Variants in PSMA8 observed in about 807,000 individuals in gnomAD.
PSMA8 encodes the protein proteasome subunit alpha-type 8.
A neutral mutation model predicts 32.4 loss-of-function variants in PSMA8; 18 were observed. That is an observed-to-expected ratio of 0.56 (90% CI 0.38 to 0.82). The LOEUF (loss-of-function observed/expected upper bound fraction) is 0.82, where lower values mean the gene tolerates loss of function less well. Ranked by LOEUF, PSMA8 falls within the 40% of genes least tolerant of loss-of-function variation. The probability of loss-of-function intolerance (pLI) is 0.00; values close to 1 mark genes in which losing one functional copy is unlikely to be tolerated. For missense variants in PSMA8, 298 were observed against 300.7 expected (o/e 0.99, Z 0.07); for synonymous variants, 104 against 98.1 (o/e 1.06, Z -0.36).
intron 6 of PSMA8, among the ~76,000 whole-genome samples, chr18:26,180,132 G>T (rs1417616488): frequency 1.3e-5 from 2 of 151,934 alleles, no homozygotes; most frequent in Non-Finnish European, 2.9e-5. Flanking sequence ...AGACGCCTGT[G>T]ATCCCAGCTG....
rs2054887503 is a variant in PSMA8 at position 26,133,980 on chromosome 18, T to C, written c.15T>C (p.Tyr5=). The C allele has an allele frequency of 6.2e-7, 1 of 1,613,872 alleles. No homozygotes were observed. The highest frequency in any genetic ancestry group is 1.3e-5 in the African/African-American group (1 of 74,944). The change falls in exon 1 of 7, where the codon TAT becomes TAC. Residue 5 remains tyrosine, a synonymous_variant. Coordinates refer to ENST00000415576, the MANE Select transcript of PSMA8 (RefSeq NM_001025096.2). ...AGTCCTGTGCGATGGCGTCTCGATA[T>C]GACAGGGCGATCACTGTCTTCTCCC... MASR[Y]DRAITVFSPD...
chr18:26,144,077 C>T (rs899255724), intron 1 of PSMA8, among the ~76,000 whole-genome samples: 2 of 152,074 alleles, frequency 1.3e-5, no homozygotes, highest in African/African-American at 2.4e-5. Context: ...ACATTTATTT[C>T]AGTGTTTAAT....
intron 2 of PSMA8, among the ~76,000 whole-genome samples, chr18:26,150,215 C>T (rs187829867): frequency 2.6e-5 from 4 of 152,158 alleles, no homozygotes; most frequent in East Asian, 1.9e-4. Context: ...TTCAGATGAG[C>T]GATGAGGGAT....
At chr18:26,156,600 TA>T (rs904499435) in intron 3 of PSMA8, among the ~76,000 whole-genome samples, 2 of 151,082 alleles carry the variant, frequency 1.3e-5, no homozygotes, top group Admixed American at 6.6e-5. Context: ...ATGTGGACAC[TA>T]AAAAAGTTGT....
chr18:26,179,229 C>G (rs1340286746), intron 6 of PSMA8, 99 bp downstream of exon 6: 14 of 785,936 alleles, frequency 1.8e-5, no homozygotes, highest in Admixed American at 2.6e-5. Context: ...ATAATGTTAT[C>G]CTTCATTAAT....
intron 4 of PSMA8, among the ~76,000 whole-genome samples, chr18:26,160,620 T>C (rs1278811484): frequency 6.6e-6 from 1 of 152,228 alleles, no homozygotes; most frequent in Non-Finnish European, 1.5e-5. Context: ...CCAAGTAACC[T>C]GATAAATGTT....
chr18:26,158,012 T>C (rs1243936628), intron 3 of PSMA8, 110 bp from the exon 4 acceptor site: 1 of 711,216 alleles, frequency 1.4e-6, no homozygotes, highest in South Asian at 2.1e-5. Context: ...CATTAATATA[T>C]GTCGAATAAG....
chr18:26,184,235 C>T (rs562890728), intron 6 of PSMA8, among the ~76,000 whole-genome samples: 33 of 150,730 alleles, frequency 2.2e-4, no homozygotes, highest in African/African-American at 7.1e-4. Context: ...AATATGTAGT[C>T]TGTTTCAGTC....
At position 26,185,683 on chromosome 18, in the gene PSMA8, T is replaced by C. The variant is rs2055347313; in HGVS notation, c.660+6553T>C. The stretch of plus-strand genomic sequence containing the variant: ...ACCATAATGTATTCTCTAGGAAGTT[T>C]TTCAAATGTCTTCAGAGTCTGAAAT... On this transcript the variant is annotated intron_variant, in intron 6 of 6. Coordinates refer to ENST00000415576, the MANE Select transcript of PSMA8 (RefSeq NM_001025096.2). 2.0e-5 allele frequency among the ~76,000 whole-genome samples: 3 copies of C among 150,900 alleles called. 1 individual carries two copies. Among genetic ancestry groups the C allele is most frequent in the Admixed American group, 2.0e-4 (3 of 15,158 alleles).
intron 3 of PSMA8, among the ~76,000 whole-genome samples, chr18:26,156,478 T>TA (rs1237290926): frequency 6.6e-6 from 1 of 151,874 alleles, no homozygotes; most frequent in Non-Finnish European, 1.5e-5. Context: ...TACTTAGCCA[T>TA]AAAAAAGAAT....
intron 6 of PSMA8, among the ~76,000 whole-genome samples, chr18:26,180,704 A>G (rs1233146213): frequency 6.7e-6 from 1 of 150,172 alleles, no homozygotes; most frequent in East Asian, 1.9e-4. Flanking sequence ...AGACACACAC[A>G]CACACACACA....
intron 2 of PSMA8, among the ~76,000 whole-genome samples, chr18:26,145,622 A>G (rs1240430009): frequency 2.0e-5 from 3 of 152,212 alleles, no homozygotes; most frequent in Admixed American, 6.5e-5. Context: ...TATATAATAT[A>G]TAACCCTTTC....
intron 4 of PSMA8, among the ~76,000 whole-genome samples, chr18:26,176,313 C>T (rs1308941951): frequency 6.6e-6 from 1 of 152,118 alleles, no homozygotes; most frequent in Non-Finnish European, 1.5e-5. Flanking sequence ...CCTGAAGCCA[C>T]TAACTATGTA....
intron 6 of PSMA8, among the ~76,000 whole-genome samples, chr18:26,188,266 A>G (rs2055372420): frequency 6.6e-6 from 1 of 151,998 alleles, no homozygotes. Context: ...ACATATCAAA[A>G]CATATGGAAT....
At chr18:26,185,549 T>G (rs942835012) in intron 6 of PSMA8, among the ~76,000 whole-genome samples, 2 of 150,780 alleles carry the variant, frequency 1.3e-5, no homozygotes, top group Non-Finnish European at 3.0e-5. Context: ...AGTCCTTCCC[T>G]TCAATCTGAT....
chr18:26,162,932 A>G (rs1160078094), intron 4 of PSMA8, among the ~76,000 whole-genome samples: 1 of 151,938 alleles, frequency 6.6e-6, no homozygotes, highest in Non-Finnish European at 1.5e-5. Context: ...CCAGAATAAT[A>G]AGCATGTGAG....
In PSMA8 at chr18:26,133,934, A is replaced by C; in HGVS notation, c.-32A>C. The stretch of plus-strand genomic sequence containing the variant: ...GCTTGCCTCAGCTGCAGCAGCGGGA[A>C]GCTCGGTGGCAAGCCCTTGTAGTCC... On this transcript the variant is annotated 5_prime_UTR_variant, in exon 1 of 7. Coordinates refer to ENST00000415576, the MANE Select transcript of PSMA8 (RefSeq NM_001025096.2). 6.4e-7 allele frequency: 1 copy of C among 1,570,000 alleles called. No homozygotes were observed. Among genetic ancestry groups the C allele is most frequent in the Non-Finnish European group, 8.8e-7 (1 of 1,141,256 alleles).
intron 6 of PSMA8, among the ~76,000 whole-genome samples, chr18:26,192,048 A>C (rs975095321): frequency 4.6e-5 from 7 of 152,190 alleles, no homozygotes; most frequent in African/African-American, 1.7e-4. Context: ...TTTTGGAGTT[A>C]TATGCACATA....
Position 26,192,866 on chromosome 18 carries a change from C to T in PSMA8, c.*455C>T, listed in dbSNP as rs956817847. 2 of 152,122 alleles carry T rather than the reference C, an allele frequency of 1.3e-5. No individual in the cohort carries two copies. The highest frequency in any genetic ancestry group is 4.8e-5 in the African/African-American group (2 of 41,442). The allele number at this position is 152,122 out of a possible 1,614,324, so 9.4% of individuals were successfully genotyped here. On this transcript the variant is annotated 3_prime_UTR_variant, in exon 7 of 7. Coordinates refer to ENST00000415576, the MANE Select transcript of PSMA8 (RefSeq NM_001025096.2). ...AAAAGCATCCTTATACTGATGAGTT[C>T]TTAAAATTTTGTCAGAGCCTTCTTC...
Sources: allele counts gnomAD v4.1 joint callset (sites outside exome capture counted in the v4.1 genomes callset), GRCh38; gene constraint gnomAD v4.1.1; transcripts MANE v1.5; gene names NCBI Gene and HGNC (gene_info 2026-07-23, HGNC 2026-07-21).